CSMD1: variants seen among roughly 807,000 people sequenced by gnomAD.
CSMD1 encodes CUB and sushi domain-containing protein 1.
In CSMD1, 213 loss-of-function variants were observed where a neutral mutation model predicts 417.5. The ratio of observed to expected loss-of-function variants is 0.51; its 90% CI spans 0.46 to 0.57. The LOEUF (loss-of-function observed/expected upper bound fraction) is 0.57. Ranked by LOEUF, CSMD1 falls within the 20% of genes least tolerant of loss-of-function variation. CSMD1 has a pLI of 0.00. For synonymous variants in CSMD1, 2,862 were observed against 1,736.8 expected (o/e 1.65, Z -16.11); for missense variants, 6,923 against 4,529.7 (o/e 1.53, Z -15.17).
At chr8:4,045,302 T>A (rs555604139) in intron 3 of CSMD1, among the ~76,000 whole-genome samples, 1 of 152,198 alleles carries the variant, frequency 6.6e-6, no homozygotes, top group South Asian at 2.1e-4. Flanking sequence ...AATTCTGTCC[T>A]TATAGGGTTA....
At chr8:4,320,287 T>G (rs1422944793) in intron 3 of CSMD1, among the ~76,000 whole-genome samples, 2 of 152,160 alleles carry the variant, frequency 1.3e-5, no homozygotes, top group East Asian at 3.9e-4. Context: ...ATAAAATGAA[T>G]ACAAGAGTGT....
At position 3,684,637 on chromosome 8, in the gene CSMD1, G is replaced by T. The variant is rs1409477489; in HGVS notation, c.1009+23777C>A. Among the ~76,000 whole-genome samples the T allele has an allele frequency of 2.3e-5, 3 of 130,066 alleles. No homozygotes were observed. The East Asian group carries it at 7.0e-4, about 30-fold the overall frequency. The allele number at this position is 130,066 out of a possible 152,430, so 85.3% of individuals were successfully genotyped here. A position where few individuals can be genotyped will look rare whatever the true frequency, so the allele number is the denominator to read the frequency against. Reference sequence around the variant, plus strand: ...TTTTTAGACGGAGTCTCGCTCTCTCGCCCAGGCTGGAGTGCAGTGGCGCTA... The same window carrying T: ...TTTTTAGACGGAGTCTCGCTCTCTCTCCCAGGCTGGAGTGCAGTGGCGCTA... On this transcript the variant is annotated intron_variant, in intron 7 of 69. Transcript: ENST00000635120.
At chr8:4,639,379 T>G (rs1033240781) in intron 1 of CSMD1, among the ~76,000 whole-genome samples, 11 of 151,542 alleles carry the variant, frequency 7.3e-5, no homozygotes, top group Non-Finnish European at 1.2e-4. Context: ...TCGTTGGAAG[T>G]GTGCTCTCAT....
intron 1 of CSMD1, among the ~76,000 whole-genome samples, chr8:4,841,416 A>C (rs1226321171): frequency 1.3e-5 from 2 of 152,186 alleles, no homozygotes; most frequent in Non-Finnish European, 2.9e-5. Context: ...TTTATTCTAA[A>C]AATATAACAA....
At chr8:3,269,566 C>G (rs12549534) in intron 26 of CSMD1, among the ~76,000 whole-genome samples, 2 of 151,880 alleles carry the variant, frequency 1.3e-5, no homozygotes, top group Non-Finnish European at 2.9e-5. Flanking sequence ...ATTACTACCA[C>G]TATTTACGGA....
intron 1 of CSMD1, among the ~76,000 whole-genome samples, chr8:4,723,494 G>A (rs1186129676): frequency 6.6e-6 from 1 of 152,044 alleles, no homozygotes; most frequent in Middle Eastern, 3.2e-3. Context: ...CTGACAACAC[G>A]TCCATTTTGT....
At chr8:4,359,702 T>A (rs376949216) in intron 3 of CSMD1, among the ~76,000 whole-genome samples, 1 of 152,200 alleles carries the variant, frequency 6.6e-6, no homozygotes, top group Non-Finnish European at 1.5e-5. Flanking sequence ...GGTTTTAGTG[T>A]GTTTGTCTAT....
chr8:3,359,109 C>T lies in CSMD1; in HGVS notation c.3304+43G>A, dbSNP rs757199958. The T allele has an allele frequency of 1.9e-6, 3 of 1,597,942 alleles. No homozygotes were observed. The South Asian group carries it at 3.3e-5, about 18-fold the overall frequency. ...CTAGGCTTCTTGCCTGGGCTAGACC[C>T]TGCCCCCATGGATGAATGAAATGAA... is the stretch of plus-strand genomic sequence containing the variant. On this transcript the variant is annotated intron_variant, in intron 21 of 69. Coordinates refer to ENST00000635120, the MANE Select transcript of CSMD1 (RefSeq NM_033225.6).
chr8:3,241,179 GTC>G (rs1338380088), intron 26 of CSMD1, among the ~76,000 whole-genome samples: 4 of 151,646 alleles, frequency 2.6e-5, no homozygotes, highest in African/African-American at 7.3e-5. Flanking sequence ...TAGTTAAAGT[GTC>G]TCGGCCTAAT....
chr8:4,627,634 C>T (rs760486312), intron 2 of CSMD1, among the ~76,000 whole-genome samples: 3 of 152,080 alleles, frequency 2.0e-5, no homozygotes, highest in African/African-American at 4.8e-5. Context: ...TGACACGATG[C>T]CCAACATCAC....
In CSMD1 at chr8:3,037,293, C is replaced by CCCCAT. The variant is rs1554495539; in HGVS notation, c.7661-7781_7661-7780insATGGG. ...GGATCTCGGCTCACTGCAAGCTCCG[C>CCCCAT]CTCCTGGGTTCACGCCATTCTCCTG... On this transcript the variant is annotated intron_variant, in intron 50 of 69. Coordinates refer to ENST00000635120, the MANE Select transcript of CSMD1 (RefSeq NM_033225.6). Among the ~76,000 whole-genome samples, 726 of 145,470 alleles carry CCCCAT rather than the reference C, an allele frequency of 5.0e-3. 8 individuals carry two copies. Among genetic ancestry groups the CCCCAT allele is most frequent in the Middle Eastern group, 0.011 (3 of 282 alleles).
intron 7 of CSMD1, among the ~76,000 whole-genome samples, chr8:3,692,531 T>C (rs1047556505): frequency 6.6e-6 from 1 of 151,900 alleles, no homozygotes; most frequent in Non-Finnish European, 1.5e-5. Context: ...AACCTTCACA[T>C]CCTGTGTTCT....
intron 1 of CSMD1, among the ~76,000 whole-genome samples, chr8:4,886,272 G>A (rs561848021): frequency 4.3e-4 from 65 of 152,100 alleles, no homozygotes; most frequent in African/African-American, 8.2e-4. Flanking sequence ...TTTCTGATCC[G>A]TTTTGAGCTT....
chr8:3,810,401 G>C (rs1801000381), intron 5 of CSMD1, among the ~76,000 whole-genome samples: 1 of 152,154 alleles, frequency 6.6e-6, no homozygotes, highest in African/African-American at 2.4e-5. Context: ...TTCAGGGAGA[G>C]CTAAGTCCAA....
chr8:3,951,782 A>G (rs1308672519), intron 5 of CSMD1, among the ~76,000 whole-genome samples: 1 of 152,188 alleles, frequency 6.6e-6, no homozygotes. Context: ...ACCTGTGCTG[A>G]GAACAAATTA....
chr8:3,385,926 G>C (rs1272628487), intron 18 of CSMD1, among the ~76,000 whole-genome samples: 2 of 152,122 alleles, frequency 1.3e-5, no homozygotes, highest in East Asian at 1.9e-4. Context: ...AAAAGCACTA[G>C]GTAATTTCTG....
chr8:4,616,227 C>T, intron 2 of CSMD1, among the ~76,000 whole-genome samples: 1 of 152,046 alleles, frequency 6.6e-6, no homozygotes, highest in Non-Finnish European at 1.5e-5. Context: ...CTTAGGAGCA[C>T]TTTGAGAATT....
chr8:4,796,490 C>T (rs1205208396), intron 1 of CSMD1, among the ~76,000 whole-genome samples: 1 of 151,934 alleles, frequency 6.6e-6, no homozygotes, highest in African/African-American at 2.4e-5. Context: ...ACAGTTTTAC[C>T]ACCGAGAATG....
chr8:4,781,074 C>T (rs1193296670), intron 1 of CSMD1, among the ~76,000 whole-genome samples: 7 of 152,276 alleles, frequency 4.6e-5, no homozygotes, highest in Admixed American at 2.6e-4. Flanking sequence ...TGTGTCCCGC[C>T]GTCTTGTTAA....
Sources: allele counts gnomAD v4.1 joint callset (sites outside exome capture counted in the v4.1 genomes callset), GRCh38; gene constraint gnomAD v4.1.1; transcripts MANE v1.5; gene names NCBI Gene and HGNC (gene_info 2026-07-23, HGNC 2026-07-21).